The following PALLD variants were observed in gnomAD, a reference collection of about 807,000 sequenced individuals.
PALLD encodes palladin.
Under a neutral mutation model 123.5 loss-of-function variants are expected in PALLD, and 61 were observed. That is an observed-to-expected ratio of 0.49 (90% CI 0.40 to 0.61). The LOEUF is 0.61. Among genes scored for constraint, PALLD ranks in the 20% least tolerant of loss-of-function variants. PALLD has a pLI of 0.00. For synonymous variants in PALLD, 465 were observed against 496.4 expected (o/e 0.94, Z 0.84); for missense variants, 1,273 against 1,377.0 (o/e 0.92, Z 1.20).
chr4:168,650,300 C>T (rs1777908056), intron 2 of PALLD, among the ~76,000 whole-genome samples: 2 of 152,258 alleles, frequency 1.3e-5, no homozygotes, highest in Non-Finnish European at 2.9e-5. Context: ...CCCTCAGCCT[C>T]TGTCCCTCCT....
At chr4:168,833,177 C>T (rs1744571845) in intron 10 of PALLD, among the ~76,000 whole-genome samples, 1 of 152,074 alleles carries the variant, frequency 6.6e-6, no homozygotes, top group South Asian at 2.1e-4. Context: ...GGGGTTTGGT[C>T]GCTTGAGCCC....
At chr4:168,789,047 G>C (rs1167598095) in intron 10 of PALLD, among the ~76,000 whole-genome samples, 1 of 152,140 alleles carries the variant, frequency 6.6e-6, no homozygotes, top group African/African-American at 2.4e-5. Flanking sequence ...TATGATCTAT[G>C]TGTACATTTC....
At chr4:168,778,519 C>A (rs1250341666) in intron 10 of PALLD, among the ~76,000 whole-genome samples, 1 of 152,120 alleles carries the variant, frequency 6.6e-6, no homozygotes, top group Non-Finnish European at 1.5e-5. Flanking sequence ...GATTTCCTTG[C>A]TGAATCCCTT....
Position 168,512,448 on chromosome 4 carries a change from T to C in PALLD, c.908+36T>C, listed in dbSNP as rs769460778. ...TTGTATTATGCATAGCAAATGATCT[T>C]GTTGACTTTGGTGTTACTTTAATAT... On this transcript the variant is annotated intron_variant, in intron 2 of 21. Transcript: ENST00000505667. 6 of 1,567,382 alleles carry C rather than the reference T, an allele frequency of 3.8e-6. No homozygotes were observed. The South Asian group carries it at 6.7e-5, about 17-fold the overall frequency.
intron 8 of PALLD, among the ~76,000 whole-genome samples, chr4:168,707,985 A>G (rs796947289): frequency 1.6e-4 from 25 of 152,224 alleles, no homozygotes; most frequent in African/African-American, 5.8e-4. Flanking sequence ...TGTGCCAGGC[A>G]ATGTCCTAAG....
intron 2 of PALLD, among the ~76,000 whole-genome samples, chr4:168,619,324 C>T (rs1774524752): frequency 6.6e-6 from 1 of 152,176 alleles, no homozygotes; most frequent in Non-Finnish European, 1.5e-5. Flanking sequence ...ACCCAGTGGG[C>T]TGGAATGTGG....
intron 2 of PALLD, among the ~76,000 whole-genome samples, chr4:168,577,276 T>C (rs541973445): frequency 2.8e-4 from 42 of 152,246 alleles, no homozygotes; most frequent in Non-Finnish European, 5.9e-4. Flanking sequence ...AAGACTCAGC[T>C]ATTGTTATAG....
intron 2 of PALLD, among the ~76,000 whole-genome samples, chr4:168,615,139 G>A (rs966834861): frequency 4.1e-5 from 6 of 146,568 alleles, no homozygotes; most frequent in East Asian, 2.0e-4. Context: ...TTTTGCCCTC[G>A]TTCCTGGGAA....
intron 10 of PALLD, among the ~76,000 whole-genome samples, chr4:168,734,750 A>G (rs1318031233): frequency 6.6e-6 from 1 of 152,164 alleles, no homozygotes; most frequent in Non-Finnish European, 1.5e-5. Flanking sequence ...AAGCACTAAA[A>G]CTGAAAAGGA....
Position 168,511,583 on chromosome 4 carries a change from T to C in PALLD, c.79T>C (p.Phe27Leu), listed in dbSNP as rs750580075. 2 of 1,614,144 alleles carry C rather than the reference T, an allele frequency of 1.2e-6. No individual in the cohort carries two copies. Among genetic ancestry groups the C allele is most frequent in the Admixed American group, 1.7e-5 (1 of 60,024 alleles). Residue 27 changes from phenylalanine (F) to leucine (L), a missense_variant, in exon 2 of 22, where the codon TTC becomes CTC. Transcript: ENST00000505667. ...MQEESKNTDF[F>L]PGLSAFLSQE... The stretch of plus-strand genomic sequence containing the variant: ...GGAAGAAAGCAAGAATACTGACTTC[T>C]TCCCGGGCCTTTCTGCTTTCCTCAG...
chr4:168,756,044 A>T (rs1270967188), intron 10 of PALLD: 1 of 170,328 alleles, frequency 5.9e-6, no homozygotes, highest in Non-Finnish European at 1.3e-5. Context: ...CATGCACAGA[A>T]GATGATCAAG....
intron 2 of PALLD, among the ~76,000 whole-genome samples, chr4:168,638,806 A>G (rs1776600941): frequency 6.6e-6 from 1 of 151,394 alleles, no homozygotes; most frequent in South Asian, 2.1e-4. Flanking sequence ...CACTTCCTAA[A>G]TACCATATGA....
At chr4:168,815,515 C>T (rs905542758) in intron 10 of PALLD, among the ~76,000 whole-genome samples, 1 of 152,358 alleles carries the variant, frequency 6.6e-6, no homozygotes, top group South Asian at 2.1e-4. Flanking sequence ...TAGGGAAATA[C>T]ACTTTGGGAA....
In PALLD at chr4:168,913,068, A is replaced by G. The variant is rs139009280; in HGVS notation, c.2623-859A>G. Among the ~76,000 whole-genome samples, 298 of 151,676 alleles carry G rather than the reference A, an allele frequency of 2.0e-3. 2 individuals are homozygous for G. The highest frequency in any genetic ancestry group is 6.8e-3 in the African/African-American group (282 of 41,324). On this transcript the variant is annotated intron_variant, in intron 15 of 21. Coordinates refer to ENST00000505667, the MANE Select transcript of PALLD (RefSeq NM_001166108.2). ...AAGCTCTCCTTATCATCCCACGCAT[A>G]CTTCTTACATAACACTCATTTTATC...
intron 10 of PALLD, among the ~76,000 whole-genome samples, chr4:168,824,098 A>G (rs1460454846): frequency 6.6e-6 from 1 of 152,216 alleles, no homozygotes; most frequent in Non-Finnish European, 1.5e-5. Flanking sequence ...TTGCCAATAA[A>G]TTAATCTCTA....
intron 2 of PALLD, among the ~76,000 whole-genome samples, chr4:168,628,540 C>G (rs932044659): frequency 3.3e-5 from 5 of 152,172 alleles, no homozygotes; most frequent in African/African-American, 1.2e-4. Context: ...GGCCTTTGCA[C>G]TAGCTTCTTC....
chr4:168,713,954 T>G (rs1344103151), intron 10 of PALLD, among the ~76,000 whole-genome samples: 2 of 146,718 alleles, frequency 1.4e-5, no homozygotes, highest in South Asian at 2.1e-4. Flanking sequence ...TTTTTTTTTT[T>G]TTTTTTTTTT....
chr4:168,596,653 G>GC (rs1772005663), intron 2 of PALLD, among the ~76,000 whole-genome samples: 1 of 150,516 alleles, frequency 6.6e-6, no homozygotes, highest in South Asian at 2.1e-4. Flanking sequence ...CAAGGAAAAT[G>GC]CAAGTCTTAT....
intron 10 of PALLD, among the ~76,000 whole-genome samples, chr4:168,817,435 C>T (rs1488458927): frequency 3.3e-5 from 5 of 152,154 alleles, no homozygotes; most frequent in African/African-American, 1.2e-4. Context: ...TACCTCTTAA[C>T]AAGCCAGTTA....
Sources: allele counts gnomAD v4.1 joint callset (sites outside exome capture counted in the v4.1 genomes callset), GRCh38; gene constraint gnomAD v4.1.1; transcripts MANE v1.5; gene names NCBI Gene and HGNC (gene_info 2026-07-23, HGNC 2026-07-21).